Variants in CHD6 observed in about 807,000 individuals in gnomAD.
CHD6 encodes ATP-dependent chromatin remodeler CHD6.
In CHD6, 50 loss-of-function variants were observed where a neutral mutation model predicts 276.9. The ratio of observed to expected loss-of-function variants is 0.18; its 90% CI spans 0.14 to 0.23. CHD6 has a LOEUF of 0.23. Ranked by LOEUF, CHD6 falls within the 10% of genes least tolerant of loss-of-function variation. CHD6 has a pLI of 1.00. For synonymous variants in CHD6, 1,173 were observed against 1,229.3 expected, an observed-to-expected ratio of 0.95 and a Z score of 0.96; for missense variants, 2,564 against 3,365.8, an observed-to-expected ratio of 0.76 and a Z score of 5.89.
rs1366779935 is a variant in CHD6 at position 41,533,250 on chromosome 20, T to C, written c.354A>G (p.Pro118=). The change falls in exon 3 of 37, where the codon CCA becomes CCG. Residue 118 remains proline (P), a synonymous_variant. Coordinates refer to ENST00000373233, the MANE Select transcript of CHD6 (RefSeq NM_032221.5). ...GCTCTTTCGGTTCTCGTTTCCTCTT[T>C]GGCTTGGGCTCTCTGTCCTTGCTTC... ...AKGSKDREPK[P]KRKREPKEPK... The C allele has an allele frequency of 6.2e-7, 1 of 1,613,560 alleles. No individual in the cohort carries two copies. Among genetic ancestry groups the C allele is most frequent in the Admixed American group, 1.7e-5 (1 of 59,860 alleles).
intron 27 of CHD6, 79 bp downstream of exon 27, chr20:41,437,195 C>A: frequency 9.1e-7 from 1 of 1,096,236 alleles, no homozygotes; most frequent in South Asian, 1.3e-5. Context: ...TCAAGTTCCC[C>A]CAGATCACTA....
chr20:41,411,710 G>A (rs1007385794), intron 36 of CHD6, among the ~76,000 whole-genome samples: 1 of 152,204 alleles, frequency 6.6e-6, no homozygotes, highest in Non-Finnish European at 1.5e-5. Flanking sequence ...GTAGTGCTTA[G>A]AGGCAGCTGT....
At chr20:41,617,489 C>G (rs1310592182) in intron 1 of CHD6, among the ~76,000 whole-genome samples, 1 of 152,140 alleles carries the variant, frequency 6.6e-6, no homozygotes, top group African/African-American at 2.4e-5. Flanking sequence ...TTCCTAATAA[C>G]GCCTTTAAAA....
At chr20:41,488,325 A>C (rs2043467877) in intron 13 of CHD6, 103 bp downstream of exon 13, 1 of 1,099,232 alleles carries the variant, frequency 9.1e-7, no homozygotes, top group Admixed American at 2.4e-5. Flanking sequence ...TCTAATGTAA[A>C]ACGACTAGGC....
Position 41,491,804 on chromosome 20 carries a change from C to A in CHD6, c.1330G>T (p.Asp444Tyr). 1 of 1,613,900 alleles carries A rather than the reference C, an allele frequency of 6.2e-7. No individual in the cohort carries two copies. Among genetic ancestry groups the A allele is most frequent in the Non-Finnish European group, 8.5e-7 (1 of 1,179,838 alleles). The change falls in exon 11 of 37, where the codon GAC (aspartate) becomes TAC (tyrosine). Residue 444 changes from aspartate (D) to tyrosine (Y), a missense_variant. Coordinates refer to ENST00000373233, the MANE Select transcript of CHD6 (RefSeq NM_032221.5). ...EIKHVERPAS[D>Y]SWQKLEKSRE... ...GACTTCTCAAGTTTCTGCCAGGAGT[C>A]TGAAGCAGGCCGCTCCTAGGGAGGA...
Position 41,589,903 on chromosome 20 carries a change from C to T in CHD6, c.-24+28437G>A, listed in dbSNP as rs367703446. Among the ~76,000 whole-genome samples the T allele has an allele frequency of 1.2e-4, 18 of 152,152 alleles. No homozygotes were observed. The East Asian group carries it at 3.1e-3, about 26-fold the overall frequency. Reference sequence around the variant, plus strand: ...TGGAACCAAAAAAGAGTCCGCATTGCCAAGTCAATCCTAAGCCAAAAGAAC... The same window carrying T: ...TGGAACCAAAAAAGAGTCCGCATTGTCAAGTCAATCCTAAGCCAAAAGAAC... On this transcript the variant is annotated intron_variant, in intron 1 of 36. Transcript: ENST00000373233.
intron 27 of CHD6, among the ~76,000 whole-genome samples, chr20:41,431,309 T>C (rs1329368941): frequency 2.0e-5 from 3 of 152,220 alleles, no homozygotes; most frequent in Non-Finnish European, 2.9e-5. Flanking sequence ...CCATTGTTAC[T>C]GTTACAGGGG....
chr20:41,432,450 G>A (rs2047574827), intron 27 of CHD6, among the ~76,000 whole-genome samples: 1 of 152,104 alleles, frequency 6.6e-6, no homozygotes, highest in African/African-American at 2.4e-5. Context: ...CTGACAAGTA[G>A]TAATGAGGTT....
chr20:41,512,827 C>A lies in CHD6; in HGVS notation c.852+19G>T, dbSNP rs1179692986. On this transcript the variant is annotated intron_variant, in intron 5 of 36. Coordinates refer to ENST00000373233, the MANE Select transcript of CHD6 (RefSeq NM_032221.5). ...ATGACTGTCCAGCCAAGGTCAGTAA[C>A]CTCATGCAAAGGCCATACCTCCGCC... is the stretch of plus-strand genomic sequence containing the variant. 13 of 1,613,688 alleles carry A rather than the reference C, an allele frequency of 8.1e-6. No individual in the cohort carries two copies. The highest frequency in any genetic ancestry group is 3.3e-5 in the Admixed American group (2 of 59,992).
chr20:41,602,321 G>A (rs2045781729), intron 1 of CHD6, among the ~76,000 whole-genome samples: 1 of 152,178 alleles, frequency 6.6e-6, no homozygotes, highest in African/African-American at 2.4e-5. Flanking sequence ...AAAGAGAAGA[G>A]GGGATGCTGG....
In CHD6 at chr20:41,402,355, A is replaced by G; in HGVS notation, c.*2238T>C. Reference sequence around the variant, plus strand: ...AACAGGGTCACAACAGCAGTCAAATAGAAGCCTGAACACCCAGAGAGTTAA... The same window carrying G: ...AACAGGGTCACAACAGCAGTCAAATGGAAGCCTGAACACCCAGAGAGTTAA... On this transcript the variant is annotated 3_prime_UTR_variant, in exon 37 of 37. Transcript: ENST00000373233. 4.4e-6 allele frequency: 1 copy of G among 228,972 alleles called. No homozygotes were observed. Among genetic ancestry groups the G allele is most frequent in the Admixed American group, 5.7e-5 (1 of 17,654 alleles). The allele number at this position is 228,972 out of a possible 1,614,324, so 14.2% of individuals were successfully genotyped here. A position where few individuals can be genotyped will look rare whatever the true frequency, so the allele number is the denominator to read the frequency against.
At chr20:41,489,003 A>G (rs755700362) in intron 12 of CHD6, among the ~76,000 whole-genome samples, 7 of 152,224 alleles carry the variant, frequency 4.6e-5, no homozygotes, top group African/African-American at 9.6e-5. Context: ...TTCAGACTTA[A>G]TTTCACCTTA....
chr20:41,515,081 A>G (rs563236646), intron 3 of CHD6, 129 bp from the exon 4 acceptor site: 2 of 907,432 alleles, frequency 2.2e-6, no homozygotes, highest in Admixed American at 2.3e-5. Context: ...GGAATCTACA[A>G]GAGTTTCTTC....
chr20:41,581,648 C>A (rs1341014086), intron 1 of CHD6, among the ~76,000 whole-genome samples: 2 of 150,448 alleles, frequency 1.3e-5, no homozygotes, highest in African/African-American at 4.9e-5. Flanking sequence ...TGTACTCCAG[C>A]CTGACGACAG....
chr20:41,572,556 G>A (rs1436337669), intron 1 of CHD6, among the ~76,000 whole-genome samples: 1 of 152,130 alleles, frequency 6.6e-6, no homozygotes, highest in Admixed American at 6.5e-5. Flanking sequence ...CAGCTACCAG[G>A]CCTGGCTCAT....
intron 3 of CHD6, among the ~76,000 whole-genome samples, chr20:41,523,608 T>G (rs531985751): frequency 6.6e-6 from 1 of 152,290 alleles, no homozygotes; most frequent in East Asian, 1.9e-4. Flanking sequence ...GCATCTTTAC[T>G]TTCTGTAGTT....
intron 8 of CHD6, among the ~76,000 whole-genome samples, chr20:41,496,590 A>C (rs185891074): frequency 2.7e-4 from 41 of 152,358 alleles, no homozygotes; most frequent in Non-Finnish European, 5.4e-4. Flanking sequence ...TTACTAACAA[A>C]TATGTTGAAT....
intron 17 of CHD6, among the ~76,000 whole-genome samples, chr20:41,470,179 A>G (rs1468894417): frequency 6.6e-6 from 1 of 152,000 alleles, no homozygotes; most frequent in Non-Finnish European, 1.5e-5. Flanking sequence ...ACACCAAGCA[A>G]GCAAGAACCT....
rs185383292 is a variant in CHD6 at position 41,574,978 on chromosome 20, G to A, written c.-23-23618C>T. ...GAAAACCGATCAGACATTTGACTAG[G>A]AGTGTAACTTTGTAACTTCACTTTA... is the stretch of plus-strand genomic sequence containing the variant. On this transcript the variant is annotated intron_variant, in intron 1 of 36. Coordinates refer to ENST00000373233, the MANE Select transcript of CHD6 (RefSeq NM_032221.5). Among the ~76,000 whole-genome samples the A allele has an allele frequency of 9.2e-5, 14 of 152,312 alleles. 1 individual carries two copies. The East Asian group carries it at 2.7e-3, about 29-fold the overall frequency.
Sources: allele counts gnomAD v4.1 joint callset (sites outside exome capture counted in the v4.1 genomes callset), GRCh38; gene constraint gnomAD v4.1.1; transcripts MANE v1.5; gene names NCBI Gene and HGNC (gene_info 2026-07-23, HGNC 2026-07-21).